The following SEPTIN10 variants were observed in gnomAD, a reference collection of about 807,000 sequenced individuals.
The protein encoded by SEPTIN10 is septin-10.
SEPTIN10 carries 66 observed loss-of-function variants against 54.8 expected under a neutral mutation model. The ratio of observed to expected loss-of-function variants is 1.21; its 90% confidence interval spans 0.99 to 1.48. SEPTIN10 has a LOEUF of 1.48. Ranked by LOEUF, SEPTIN10 falls within the 40% of genes most tolerant of loss-of-function variation. The pLI, the probability that SEPTIN10 is intolerant of heterozygous loss-of-function variation, is 0.00. For missense variants in SEPTIN10, 620 were observed against 545.6 expected (o/e 1.14, Z -1.36); for synonymous variants, 161 against 181.0 (o/e 0.89, Z 0.89).
At chr2:109,610,141 T>G (rs958720439) in intron 1 of SEPTIN10, among the ~76,000 whole-genome samples, 1 of 150,826 alleles carries the variant, frequency 6.6e-6, no homozygotes, top group Non-Finnish European at 1.5e-5. Flanking sequence ...CAGGCTGGAG[T>G]GCAGTGGCGC....
At chr2:109,584,321 C>A (rs1464380316) in intron 4 of SEPTIN10, among the ~76,000 whole-genome samples, 1 of 150,844 alleles carries the variant, frequency 6.6e-6, no homozygotes, top group Non-Finnish European at 1.5e-5. Flanking sequence ...ACTAAAAACA[C>A]AAAAAAAATT....
Position 109,552,216 on chromosome 2 carries a change from T to C in SEPTIN10, c.1161+871A>G, listed in dbSNP as rs181910729. On this transcript the variant is annotated intron_variant, in intron 9 of 10. Coordinates refer to ENST00000397712, the MANE Select transcript of SEPTIN10 (RefSeq NM_144710.5). ...CATCTCCCCTGGTCCGTGGAAAAACTGTCTTCCAGGAAACGGGTCCCTGGT... is the reference window on the plus strand; with the variant it reads ...CATCTCCCCTGGTCCGTGGAAAAACCGTCTTCCAGGAAACGGGTCCCTGGT... Among the ~76,000 whole-genome samples, 70 of 152,308 alleles carry C rather than the reference T, an allele frequency of 4.6e-4. 2 individuals are homozygous for C. Among genetic ancestry groups the C allele is most frequent in the Admixed American group, 4.5e-3 (69 of 15,310 alleles).
At chr2:109,550,917 G>A (rs1682777424) in intron 9 of SEPTIN10, among the ~76,000 whole-genome samples, 1 of 152,170 alleles carries the variant, frequency 6.6e-6, no homozygotes. Flanking sequence ...GGGCATAAAT[G>A]TTAAATGAAA....
chr2:109,577,335 T>C (rs1454931009), intron 4 of SEPTIN10, among the ~76,000 whole-genome samples: 1 of 152,176 alleles, frequency 6.6e-6, no homozygotes, highest in Non-Finnish European at 1.5e-5. Context: ...GGTGGCTCAC[T>C]GTAATTCCAG....
chr2:109,567,393 T>G (rs1209696230), intron 6 of SEPTIN10, among the ~76,000 whole-genome samples: 1 of 152,174 alleles, frequency 6.6e-6, no homozygotes, highest in African/African-American at 2.4e-5. Context: ...AACTTGACAC[T>G]ATGAGAGAGA....
At chr2:109,562,813 A>G (rs925929388) in intron 8 of SEPTIN10, among the ~76,000 whole-genome samples, 6 of 152,224 alleles carry the variant, frequency 3.9e-5, no homozygotes, top group South Asian at 2.1e-4. Flanking sequence ...AGTGAAGACA[A>G]TATCATGAGA....
chr2:109,553,217 A>G lies in SEPTIN10; in HGVS notation c.1031T>C (p.Val344Ala). The G allele has an allele frequency of 6.2e-7, 1 of 1,613,628 alleles. No individual in the cohort carries two copies. Among genetic ancestry groups the G allele is most frequent in the Non-Finnish European group, 8.5e-7 (1 of 1,179,958 alleles). ...TCTTTTGGCTTCATAGGTCTCTTGA[A>G]CACTAAAAAGTTATTTGTGTTACTC... is the stretch of plus-strand genomic sequence containing the variant. ...DVGPENKPVSVQETYEAKRHE... is the reference protein window; with the variant it reads ...DVGPENKPVSAQETYEAKRHE... Residue 344 changes from valine (V) to alanine (A), a missense_variant and splice_region_variant, in exon 9 of 11, where the codon GTT becomes GCT. Transcript: ENST00000397712.
intron 2 of SEPTIN10, among the ~76,000 whole-genome samples, chr2:109,586,266 T>C (rs1334922207): frequency 2.0e-5 from 3 of 152,188 alleles, no homozygotes; most frequent in Non-Finnish European, 4.4e-5. Flanking sequence ...CAGAGTAACT[T>C]AGGTCAAACT....
chr2:109,578,368 C>T (rs1260602135), intron 4 of SEPTIN10, among the ~76,000 whole-genome samples: 2 of 152,132 alleles, frequency 1.3e-5, no homozygotes, highest in African/African-American at 2.4e-5. Context: ...AGGAAAGCTG[C>T]AGACAATACT....
chr2:109,569,412 T>C (rs1490927469), intron 5 of SEPTIN10, among the ~76,000 whole-genome samples: 3 of 145,336 alleles, frequency 2.1e-5, no homozygotes, highest in African/African-American at 5.2e-5. Flanking sequence ...CACTTCAGCC[T>C]GGGCAACAAG....
At chr2:109,593,607 T>C (rs1165953592) in intron 1 of SEPTIN10, among the ~76,000 whole-genome samples, 5 of 152,108 alleles carry the variant, frequency 3.3e-5, no homozygotes, top group African/African-American at 1.2e-4. Flanking sequence ...GGTTTCACCA[T>C]GTTGGTCAGG....
chr2:109,586,917 A>G (rs1328436066), intron 2 of SEPTIN10, among the ~76,000 whole-genome samples: 1 of 152,210 alleles, frequency 6.6e-6, no homozygotes, highest in Admixed American at 6.5e-5. Context: ...CTGTTAGAAC[A>G]AAGTTCAAGA....
chr2:109,600,002 G>A (rs182549915), intron 1 of SEPTIN10, among the ~76,000 whole-genome samples: 1 of 152,222 alleles, frequency 6.6e-6, no homozygotes, highest in East Asian at 1.9e-4. Flanking sequence ...CTAGTCCTGT[G>A]GCCTACAAAG....
At chr2:109,557,968 T>C (rs1486042455) in intron 8 of SEPTIN10, among the ~76,000 whole-genome samples, 1 of 151,988 alleles carries the variant, frequency 6.6e-6, no homozygotes. Flanking sequence ...AATTTCTGTA[T>C]TCTTTGTAGA....
At chr2:109,552,936 G>T in intron 9 of SEPTIN10, 151 bp downstream of exon 9, 1 of 859,790 alleles carries the variant, frequency 1.2e-6, no homozygotes, top group Non-Finnish European at 1.8e-6. Flanking sequence ...ATGATTCTAA[G>T]TCAATATTCA....
At position 109,567,394 on chromosome 2, in the gene SEPTIN10, AT is replaced by A. The variant is rs974091324; in HGVS notation, c.762+420del. Among the ~76,000 whole-genome samples, 74 of 152,322 alleles carry A rather than the reference AT, an allele frequency of 4.9e-4. 1 individual carries two copies. Among genetic ancestry groups the A allele is most frequent in the African/African-American group, 1.7e-3 (69 of 41,574 alleles). On this transcript the variant is annotated intron_variant, in intron 6 of 10. Transcript: ENST00000397712. ...AGTTATATGAATGTAACTTGACACT[AT>A]GAGAGAGAAGGAGCATAAATACTAG... is the stretch of plus-strand genomic sequence containing the variant.
At chr2:109,576,970 A>G (rs1277587417) in intron 4 of SEPTIN10, among the ~76,000 whole-genome samples, 1 of 152,188 alleles carries the variant, frequency 6.6e-6, no homozygotes, top group Non-Finnish European at 1.5e-5. Context: ...CACACTATTC[A>G]GAGTCAAGAA....
At chr2:109,577,869 C>T (rs1366252457) in intron 4 of SEPTIN10, among the ~76,000 whole-genome samples, 1 of 140,584 alleles carries the variant, frequency 7.1e-6, no homozygotes, top group Admixed American at 7.5e-5. Context: ...GCCGAGATTG[C>T]ACCACTGCAC....
intron 5 of SEPTIN10, among the ~76,000 whole-genome samples, chr2:109,570,427 T>A (rs1688078968): frequency 6.6e-6 from 1 of 152,034 alleles, no homozygotes; most frequent in Non-Finnish European, 1.5e-5. Flanking sequence ...ATCAAAAATA[T>A]TAGGGGAAAA....
Sources: allele counts gnomAD v4.1 joint callset (sites outside exome capture counted in the v4.1 genomes callset), GRCh38; gene constraint gnomAD v4.1.1; transcripts MANE v1.5; gene names NCBI Gene and HGNC (gene_info 2026-07-23, HGNC 2026-07-21).